The following RNF43 variants were observed in gnomAD, a reference collection of about 807,000 sequenced individuals.
The protein encoded by RNF43 is E3 ubiquitin-protein ligase RNF43.
RNF43 carries 37 observed loss-of-function variants against 78.4 expected under a neutral mutation model. The ratio of observed to expected loss-of-function variants is 0.47; its 90% CI spans 0.36 to 0.62. The LOEUF (loss-of-function observed/expected upper bound fraction) is 0.62. Among genes scored for constraint, RNF43 ranks in the 20% least tolerant of loss-of-function variants. The pLI, the probability that RNF43 is intolerant of heterozygous loss-of-function variation, is 0.00. For missense variants in RNF43, 774 were observed against 1,007.9 expected (o/e 0.77, Z 3.14); for synonymous variants, 347 against 395.0 (o/e 0.88, Z 1.44).
At chr17:58,411,341 T>C (rs1305381042) in intron 2 of RNF43, among the ~76,000 whole-genome samples, 1 of 152,148 alleles carries the variant, frequency 6.6e-6, no homozygotes, top group Non-Finnish European at 1.5e-5. Context: ...TTTAGACACT[T>C]TGTCAACTAT....
At chr17:58,371,324 C>G (rs1049351722) in intron 2 of RNF43, among the ~76,000 whole-genome samples, 3 of 152,228 alleles carry the variant, frequency 2.0e-5, no homozygotes, top group Non-Finnish European at 4.4e-5. Flanking sequence ...ACCTTCAACT[C>G]CAACAATCCT....
chr17:58,357,442 A>C lies in RNF43; in HGVS notation c.2308+26T>G, dbSNP rs2143382452. The C allele has an allele frequency of 6.2e-7, 1 of 1,614,012 alleles. No homozygotes were observed. The highest frequency in any genetic ancestry group is 8.5e-7 in the Non-Finnish European group (1 of 1,179,968). ...TCAGCTGTAGTCTCCTCTCCCTACCACACCCACTTCCCTCTGAAAACTCAC... is the reference window on the plus strand; with the variant it reads ...TCAGCTGTAGTCTCCTCTCCCTACCCCACCCACTTCCCTCTGAAAACTCAC... On this transcript the variant is annotated intron_variant, in intron 9 of 9. Coordinates refer to ENST00000407977, the MANE Select transcript of RNF43 (RefSeq NM_017763.6). The surrounding 1 kb of genome is among the most constrained non-coding windows in gnomAD (Gnocchi z 4.5).
At chr17:58,398,308 T>C (rs980432199) in intron 2 of RNF43, among the ~76,000 whole-genome samples, 1 of 152,252 alleles carries the variant, frequency 6.6e-6, no homozygotes, top group African/African-American at 2.4e-5. Context: ...GATATCATTA[T>C]GGTCATTTTT....
At chr17:58,412,656 G>T (rs918679019) in intron 2 of RNF43, among the ~76,000 whole-genome samples, 1 of 77,684 alleles carries the variant, frequency 1.3e-5, no homozygotes, top group Non-Finnish European at 2.3e-5. Context: ...CATTGTCAAG[G>T]GGGGGGGTCT....
At chr17:58,375,209 A>G (rs1973182201) in intron 2 of RNF43, among the ~76,000 whole-genome samples, 1 of 152,282 alleles carries the variant, frequency 6.6e-6, no homozygotes, top group Admixed American at 6.5e-5. Flanking sequence ...GTGGTCTAAA[A>G]TGCTAACTTG....
chr17:58,390,117 A>G (rs2143597565), intron 2 of RNF43, among the ~76,000 whole-genome samples: 1 of 152,310 alleles, frequency 6.6e-6, no homozygotes, highest in South Asian at 2.1e-4. Flanking sequence ...CCAAAGCTAC[A>G]TTCAGAATCA....
chr17:58,374,984 C>T (rs1435555355), intron 2 of RNF43, among the ~76,000 whole-genome samples: 1 of 152,142 alleles, frequency 6.6e-6, no homozygotes, highest in African/African-American at 2.4e-5. Flanking sequence ...TCCTCCTAGC[C>T]TCCATCTCCT....
At chr17:58,410,217 A>G (rs747811128) in intron 2 of RNF43, among the ~76,000 whole-genome samples, 50 of 152,352 alleles carry the variant, frequency 3.3e-4, no homozygotes, top group Non-Finnish European at 6.5e-4. Context: ...TATAAAAGAG[A>G]TATCTTCTTA....
intron 2 of RNF43, among the ~76,000 whole-genome samples, chr17:58,382,448 A>G (rs940204595): frequency 2.0e-5 from 3 of 152,168 alleles, no homozygotes; most frequent in African/African-American, 4.8e-5. Flanking sequence ...AACTTTCTGT[A>G]TACTCCCTGT....
intron 2 of RNF43, among the ~76,000 whole-genome samples, chr17:58,412,471 T>A (rs1032249442): frequency 2.0e-5 from 3 of 152,148 alleles, no homozygotes; most frequent in Non-Finnish European, 4.4e-5. Context: ...AAATGAATCA[T>A]TACTATTGGC....
intron 2 of RNF43, among the ~76,000 whole-genome samples, chr17:58,411,462 C>A (rs1281297761): frequency 6.6e-6 from 1 of 151,980 alleles, no homozygotes; most frequent in Admixed American, 6.6e-5. Context: ...TGTTGACTAA[C>A]AGATAAAATT....
rs1161771953 is a variant in RNF43, at chr17:58,354,006, A to G, written c.*937T>C. ...TGGGTCCCTGGCCTGTATGGCTTAT[A>G]CTGGGGAGCTGGGCCTCTGGGCTGT... On this transcript the variant is annotated 3_prime_UTR_variant, in exon 10 of 10. Coordinates refer to ENST00000407977, the MANE Select transcript of RNF43 (RefSeq NM_017763.6). The G allele has an allele frequency of 2.1e-5, 4 of 188,872 alleles. No homozygotes were observed. Among genetic ancestry groups the G allele is most frequent in the African/African-American group, 9.3e-5 (4 of 42,792 alleles). 11.7% of individuals were successfully genotyped at this position (188,872 alleles called of 1,614,324 possible).
At chr17:58,391,791 C>T (rs1973566182) in intron 2 of RNF43, among the ~76,000 whole-genome samples, 1 of 152,180 alleles carries the variant, frequency 6.6e-6, no homozygotes, top group Non-Finnish European at 1.5e-5. Flanking sequence ...TCAGAATGTG[C>T]TCTCTGTCTC....
intron 2 of RNF43, among the ~76,000 whole-genome samples, chr17:58,383,671 G>A (rs536879286): frequency 1.3e-5 from 2 of 152,210 alleles, no homozygotes; most frequent in Admixed American, 6.5e-5. Flanking sequence ...AGGCTGGAGT[G>A]CAATGGCGTG....
intron 2 of RNF43, 117 bp from the exon 3 acceptor site, chr17:58,371,150 A>G (rs529832375): frequency 2.9e-6 from 3 of 1,039,662 alleles, no homozygotes; most frequent in Admixed American, 5.5e-5. Context: ...TGGTGCTGTA[A>G]AAGAGTAGGC....
chr17:58,390,060 T>C (rs941440310), intron 2 of RNF43, among the ~76,000 whole-genome samples: 4 of 152,212 alleles, frequency 2.6e-5, no homozygotes, highest in Admixed American at 2.6e-4. Flanking sequence ...CAGGGCAGCA[T>C]GTCCTCATCC....
chr17:58,370,129 C>T (rs1480439841), intron 3 of RNF43, among the ~76,000 whole-genome samples: 1 of 134,250 alleles, frequency 7.4e-6, no homozygotes, highest in Non-Finnish European at 1.5e-5. Flanking sequence ...AGTGCAGTGG[C>T]ACGATCTCGG....
rs764716059 is a variant in RNF43, at chr17:58,358,057, G to A, written c.1719C>T (p.Thr573=). The change falls in exon 9 of 10, where the codon ACC becomes ACT. Residue 573 remains threonine, a synonymous_variant. Transcript: ENST00000407977. This position sits in a 1 kb window ranked among gnomAD's most constrained non-coding sequence, Gnocchi z 6.2. The part of the protein sequence containing the change: ...QWHGRKPGPE[T]GVPQSRPPIP... ...TAGGAGGCCTGGACTGGGGGACTCC[G>A]GTTTCTGGGCCAGGCTTCCTGCCAT... 56 of 1,590,856 alleles carry A rather than the reference G, an allele frequency of 3.5e-5. No homozygotes were observed. Among genetic ancestry groups the A allele is most frequent in the South Asian group, 2.5e-4 (22 of 87,402 alleles).
intron 2 of RNF43, among the ~76,000 whole-genome samples, chr17:58,400,957 T>G (rs1428959072): frequency 3.9e-5 from 6 of 152,150 alleles, no homozygotes; most frequent in Non-Finnish European, 7.4e-5. Flanking sequence ...ACAAAACAAC[T>G]GCCTAATCAC....
Sources: allele counts gnomAD v4.1 joint callset (sites outside exome capture counted in the v4.1 genomes callset), GRCh38; gene constraint gnomAD v4.1.1; non-coding constraint Gnocchi (gnomAD v3.1); transcripts MANE v1.5; gene names NCBI Gene and HGNC (gene_info 2026-07-23, HGNC 2026-07-21).